Variants in SH3RF1 observed in about 807,000 individuals in gnomAD.
The protein encoded by SH3RF1 is E3 ubiquitin-protein ligase SH3RF1.
In SH3RF1, 32 loss-of-function variants were observed where a neutral mutation model predicts 74.0. The ratio of observed to expected loss-of-function variants is 0.43; its 90% CI spans 0.33 to 0.58. The LOEUF (loss-of-function observed/expected upper bound fraction) is 0.58, where lower values mean the gene tolerates loss of function less well. Among genes scored for constraint, SH3RF1 ranks in the 20% least tolerant of loss-of-function variants. The pLI, the probability that SH3RF1 is intolerant of heterozygous loss-of-function variation, is 0.05. For missense variants in SH3RF1, 954 were observed against 1,130.9 expected, an observed-to-expected ratio of 0.84 and a Z score of 2.24; for synonymous variants, 396 against 439.6, an observed-to-expected ratio of 0.90 and a Z score of 1.24.
At chr4:169,249,071 C>CA (rs1309125119) in intron 2 of SH3RF1, among the ~76,000 whole-genome samples, 3 of 151,836 alleles carry the variant, frequency 2.0e-5, no homozygotes, top group Admixed American at 6.6e-5. Flanking sequence ...ACTAAAAATA[C>CA]AAAAAAATTA....
rs141290779 is a variant in SH3RF1, at chr4:169,126,926, A to G, written c.1179+3120T>C. On this transcript the variant is annotated intron_variant, in intron 6 of 11. Coordinates refer to ENST00000284637, the MANE Select transcript of SH3RF1 (RefSeq NM_020870.4). Reference sequence around the variant, plus strand: ...AAATTTGGAATGCAATCTGTTTATAAATTGGCCATGAGTGGTATTTACCTT... The same window carrying G: ...AAATTTGGAATGCAATCTGTTTATAGATTGGCCATGAGTGGTATTTACCTT... Among the ~76,000 whole-genome samples, 175 of 152,276 alleles carry G rather than the reference A, an allele frequency of 1.1e-3. 1 individual carries two copies. The highest frequency in any genetic ancestry group is 4.1e-3 in the African/African-American group (171 of 41,538).
intron 2 of SH3RF1, among the ~76,000 whole-genome samples, chr4:169,222,254 G>A (rs778287409): frequency 5.3e-5 from 8 of 152,082 alleles, no homozygotes; most frequent in East Asian, 3.9e-4. Context: ...ACTTGAGATC[G>A]GGAGTTGGAG....
intron 2 of SH3RF1, among the ~76,000 whole-genome samples, chr4:169,257,469 A>G (rs904460470): frequency 3.9e-5 from 6 of 152,186 alleles, no homozygotes; most frequent in Admixed American, 3.9e-4. Context: ...CCCAGGGTAG[A>G]GGATAAACGA....
chr4:169,123,125 A>C (rs1193196982), intron 6 of SH3RF1, among the ~76,000 whole-genome samples: 5 of 152,240 alleles, frequency 3.3e-5, no homozygotes. Flanking sequence ...CAAAGGAGAA[A>C]TAAGAAGACT....
chr4:169,116,936 G>A (rs911520374), intron 9 of SH3RF1, among the ~76,000 whole-genome samples: 2 of 152,106 alleles, frequency 1.3e-5, no homozygotes, highest in African/African-American at 4.8e-5. Context: ...AGTTCTTGAT[G>A]GTATTCTACA....
At chr4:169,217,013 A>G (rs566955299) in intron 2 of SH3RF1, among the ~76,000 whole-genome samples, 1 of 137,166 alleles carries the variant, frequency 7.3e-6, no homozygotes, top group East Asian at 2.2e-4. Flanking sequence ...AAAAAAAAAA[A>G]CCAGCCAGGT....
At chr4:169,103,184 C>T (rs568367790) in intron 11 of SH3RF1, among the ~76,000 whole-genome samples, 7 of 149,714 alleles carry the variant, frequency 4.7e-5, no homozygotes, top group Middle Eastern at 3.5e-3. Flanking sequence ...GATCCACCCA[C>T]CTTGGCCTCC....
chr4:169,097,657 A>G (rs1168916272), intron 11 of SH3RF1, among the ~76,000 whole-genome samples: 1 of 151,854 alleles, frequency 6.6e-6, no homozygotes, highest in Non-Finnish European at 1.5e-5. Flanking sequence ...AAAAGGGGGG[A>G]AAAGAATGGT....
chr4:169,122,126 A>G lies in SH3RF1; in HGVS notation c.1320T>C (p.His440=), dbSNP rs1474882009. The stretch of plus-strand genomic sequence containing the variant: ...CACTGGGGCGAGTCTGCGGCCGTAA[A>G]TGTGCAATCTGGTCAGTGGATCCTG... ...PMAGSTDQIA[H]LRPQTRPSVY... Residue 440 remains histidine, a synonymous_variant, in exon 7 of 12, where the codon CAT becomes CAC. Coordinates refer to ENST00000284637, the MANE Select transcript of SH3RF1 (RefSeq NM_020870.4). The G allele has an allele frequency of 2.5e-6, 4 of 1,612,798 alleles. No homozygotes were observed. The highest frequency in any genetic ancestry group is 3.3e-5 in the Admixed American group (2 of 60,002).
At chr4:169,156,759 G>T in intron 2 of SH3RF1, 80 bp from the exon 3 acceptor site, 2 of 1,372,622 alleles carry the variant, frequency 1.5e-6, no homozygotes, top group Non-Finnish European at 2.0e-6. Flanking sequence ...CGTTGTCATT[G>T]TTTTAAAGTC....
intron 2 of SH3RF1, among the ~76,000 whole-genome samples, chr4:169,180,360 C>A (rs1209399259): frequency 6.6e-6 from 1 of 152,216 alleles, no homozygotes; most frequent in East Asian, 1.9e-4. Flanking sequence ...TACTGATCCT[C>A]CACCTCATTG....
chr4:169,146,493 G>C (rs1042445564), intron 4 of SH3RF1, among the ~76,000 whole-genome samples: 11 of 151,982 alleles, frequency 7.2e-5, no homozygotes, highest in African/African-American at 2.7e-4. Flanking sequence ...CTCCCAAAGT[G>C]CTGGGATTAC....
intron 8 of SH3RF1, among the ~76,000 whole-genome samples, chr4:169,119,154 A>G (rs1733395326): frequency 6.6e-6 from 1 of 151,678 alleles, no homozygotes; most frequent in African/African-American, 2.4e-5. Flanking sequence ...CCCAGGCTGG[A>G]GTGCAGTGGC....
At chr4:169,210,953 G>T (rs1730351004) in intron 2 of SH3RF1, among the ~76,000 whole-genome samples, 1 of 152,060 alleles carries the variant, frequency 6.6e-6, no homozygotes, top group African/African-American at 2.4e-5. Context: ...CTTGTCTAAG[G>T]TTTCACTTTT....
At chr4:169,258,077 T>A (rs1055455249) in intron 2 of SH3RF1, among the ~76,000 whole-genome samples, 15 of 152,204 alleles carry the variant, frequency 9.9e-5, no homozygotes, top group Non-Finnish European at 1.9e-4. Context: ...GTAATTACTT[T>A]TTAAATTTCA....
chr4:169,187,542 G>A (rs1378990922), intron 2 of SH3RF1, among the ~76,000 whole-genome samples: 3 of 150,254 alleles, frequency 2.0e-5, no homozygotes, highest in Non-Finnish European at 4.4e-5. Context: ...GTGTGTGTGT[G>A]TGTGTGTGTG....
chr4:169,218,881 T>C lies in SH3RF1; in HGVS notation c.393+49939A>G, dbSNP rs188149182. Among the ~76,000 whole-genome samples the C allele has an allele frequency of 5.9e-5, 9 of 152,244 alleles. 1 individual carries two copies. In the East Asian group the frequency reaches 1.7e-3, roughly 29 times the overall value. ...TCCAGGAGTAAAATTTTGCTTTAAG[T>C]AATTAGGAGTCAATGATTCATTCAA... is the stretch of plus-strand genomic sequence containing the variant. On this transcript the variant is annotated intron_variant, in intron 2 of 11. Transcript: ENST00000284637.
At chr4:169,231,509 T>C (rs1487480369) in intron 2 of SH3RF1, among the ~76,000 whole-genome samples, 1 of 152,072 alleles carries the variant, frequency 6.6e-6, no homozygotes, top group Non-Finnish European at 1.5e-5. Context: ...GAGGTTGCAG[T>C]GAGCCGAGAT....
chr4:169,101,193 T>C (rs1338306272), intron 11 of SH3RF1, among the ~76,000 whole-genome samples: 1 of 152,242 alleles, frequency 6.6e-6, no homozygotes, highest in Non-Finnish European at 1.5e-5. Context: ...GCATAGTACC[T>C]TTAATTCTTA....
Sources: gnomAD v4.1 joint callset for allele counts (sites outside exome capture counted in the v4.1 genomes callset) on GRCh38, gnomAD v4.1.1 for gene constraint, MANE v1.5 for transcripts, NCBI Gene and HGNC (gene_info 2026-07-23, HGNC 2026-07-21) for gene names.